Variants in C2CD5 observed in about 807,000 individuals in gnomAD.
C2CD5 encodes the protein C2 domain-containing protein 5.
Under a neutral mutation model 130.3 loss-of-function variants are expected in C2CD5, and 109 were observed. The ratio of observed to expected loss-of-function variants is 0.84; its 90% CI spans 0.72 to 0.98. C2CD5 has a LOEUF of 0.98. Ranked by LOEUF, C2CD5 falls within the 50% of genes least tolerant of loss-of-function variation. The pLI is 0.00. For synonymous variants in C2CD5, 454 were observed against 429.2 expected, an observed-to-expected ratio of 1.06 and a Z score of -0.71; for missense variants, 996 against 1,261.8, an observed-to-expected ratio of 0.79 and a Z score of 3.19.
Position 22,527,329 on chromosome 12 carries a change from TA to T in C2CD5, c.349+391del, listed in dbSNP as rs1187425787. ...GATATATTATATACATATATATATA[TA>T]TTTTTTTTTTTTTTTTTTGAGCTAG... On this transcript the variant is annotated intron_variant, in intron 4 of 26. Transcript: ENST00000446597. Among the ~76,000 whole-genome samples, 306 of 130,614 alleles carry T rather than the reference TA, an allele frequency of 2.3e-3. 2 individuals are homozygous for T. The East Asian group carries it at 0.038, about 16-fold the overall frequency. The allele number at this position is 130,614 out of a possible 152,430, so 85.7% of individuals were successfully genotyped here. A position where few individuals can be genotyped will look rare whatever the true frequency, so the allele number is the denominator to read the frequency against.
chr12:22,468,989 ATAC>A (rs1418786690), intron 22 of C2CD5, among the ~76,000 whole-genome samples: 5 of 152,232 alleles, frequency 3.3e-5, no homozygotes, highest in East Asian at 3.8e-4. Flanking sequence ...TGAAAAACAC[ATAC>A]TACATTTATC....
At chr12:22,487,004 G>A (rs1409732833) in intron 12 of C2CD5, among the ~76,000 whole-genome samples, 1 of 152,188 alleles carries the variant, frequency 6.6e-6, no homozygotes, top group African/African-American at 2.4e-5. Flanking sequence ...CTAGCCATAT[G>A]TAGAAAGCTG....
At chr12:22,541,212 A>C (rs1429005599) in intron 2 of C2CD5, among the ~76,000 whole-genome samples, 2 of 152,192 alleles carry the variant, frequency 1.3e-5, no homozygotes, top group Non-Finnish European at 2.9e-5. Context: ...AGAAAACCCA[A>C]TACTTCAGAA....
At chr12:22,455,666 G>GAGTGATATAAA (rs759761339) in intron 25 of C2CD5, among the ~76,000 whole-genome samples, 1 of 152,036 alleles carries the variant, frequency 6.6e-6, no homozygotes, top group African/African-American at 2.4e-5. Context: ...ACGTAATTAA[G>GAGTGATATAAA]AGTGATATAA....
intron 14 of C2CD5, among the ~76,000 whole-genome samples, chr12:22,479,125 G>A (rs1944323298): frequency 6.6e-6 from 1 of 151,862 alleles, no homozygotes; most frequent in Non-Finnish European, 1.5e-5. Context: ...CCAGGCTGGA[G>A]TGTAGTGGCG....
intron 22 of C2CD5, among the ~76,000 whole-genome samples, chr12:22,464,788 A>T (rs960155326): frequency 6.6e-6 from 1 of 152,202 alleles, no homozygotes; most frequent in African/African-American, 2.4e-5. Context: ...GCAATGGACT[A>T]TTAATATATA....
At chr12:22,456,638 C>G (rs988277363) in intron 25 of C2CD5, among the ~76,000 whole-genome samples, 1 of 152,184 alleles carries the variant, frequency 6.6e-6, no homozygotes. Context: ...TCTACTATTT[C>G]TAAATGTGAT....
chr12:22,518,657 G>C (rs1949989157), intron 7 of C2CD5, among the ~76,000 whole-genome samples: 1 of 152,152 alleles, frequency 6.6e-6, no homozygotes, highest in Non-Finnish European at 1.5e-5. Flanking sequence ...ATGCAGAATA[G>C]TTGCTTACCT....
chr12:22,479,026 G>A (rs1343837590), intron 14 of C2CD5, among the ~76,000 whole-genome samples: 1 of 151,970 alleles, frequency 6.6e-6, no homozygotes. Context: ...ACGAAATGCG[G>A]ATTTACTTTT....
At chr12:22,543,078 G>T (rs1223456983) in intron 2 of C2CD5, among the ~76,000 whole-genome samples, 8 of 152,324 alleles carry the variant, frequency 5.3e-5, no homozygotes, top group African/African-American at 1.9e-4. Flanking sequence ...GCAGTGAACT[G>T]TAATTATTCG....
intron 9 of C2CD5, among the ~76,000 whole-genome samples, chr12:22,510,954 G>A (rs1949117449): frequency 6.6e-6 from 1 of 152,134 alleles, no homozygotes; most frequent in African/African-American, 2.4e-5. Context: ...ATCATAGAGA[G>A]AGGCTCTCTC....
intron 10 of C2CD5, among the ~76,000 whole-genome samples, chr12:22,496,911 T>C (rs1720828186): frequency 6.6e-6 from 1 of 152,050 alleles, no homozygotes; most frequent in Non-Finnish European, 1.5e-5. Flanking sequence ...CTACGTTACA[T>C]TCCTAGAGCA....
chr12:22,472,866 T>A, intron 16 of C2CD5, 59 bp from the exon 17 acceptor site: 1 of 953,370 alleles, frequency 1.0e-6, no homozygotes, highest in Non-Finnish European at 1.7e-6. Context: ...TTTCACGTTT[T>A]AAAAGAACTA....
chr12:22,450,035 GA>G, intron 26 of C2CD5, 144 bp from the exon 27 acceptor site: 1 of 589,462 alleles, frequency 1.7e-6, no homozygotes, highest in Non-Finnish European at 2.8e-6. Flanking sequence ...AGAAAAATGA[GA>G]AAAGGGTAAG....
intron 12 of C2CD5, among the ~76,000 whole-genome samples, chr12:22,489,709 T>C (rs1946090866): frequency 1.3e-5 from 2 of 152,144 alleles, no homozygotes; most frequent in Non-Finnish European, 2.9e-5. Context: ...CTTGATAAAA[T>C]GCAGTACTTT....
chr12:22,503,258 A>G (rs1948039970), intron 10 of C2CD5, among the ~76,000 whole-genome samples: 1 of 152,214 alleles, frequency 6.6e-6, no homozygotes, highest in Non-Finnish European at 1.5e-5. Flanking sequence ...AACATTTTTA[A>G]CATTAGCACA....
At chr12:22,510,210 A>G (rs1011964331) in intron 9 of C2CD5, among the ~76,000 whole-genome samples, 9 of 147,760 alleles carry the variant, frequency 6.1e-5, no homozygotes, top group Admixed American at 2.7e-4. Context: ...CATCTCAATG[A>G]AAAAAAAAAA....
intron 26 of C2CD5, among the ~76,000 whole-genome samples, chr12:22,450,893 TA>T (rs1475833305): frequency 6.6e-6 from 1 of 152,044 alleles, no homozygotes; most frequent in Non-Finnish European, 1.5e-5. Flanking sequence ...ACAATAAAGG[TA>T]GTCTTTATGT....
At chr12:22,531,143 A>C (rs923682965) in intron 3 of C2CD5, among the ~76,000 whole-genome samples, 1 of 152,180 alleles carries the variant, frequency 6.6e-6, no homozygotes, top group African/African-American at 2.4e-5. Flanking sequence ...AGTTACTCTG[A>C]TTATTTTTTG....
Sources: gnomAD v4.1 joint callset for allele counts (sites outside exome capture counted in the v4.1 genomes callset) on GRCh38, gnomAD v4.1.1 for gene constraint, MANE v1.5 for transcripts, NCBI Gene and HGNC (gene_info 2026-07-23, HGNC 2026-07-21) for gene names.